Variants in RAPGEF6 observed in about 807,000 individuals in gnomAD.
The protein encoded by RAPGEF6 is Rap guanine nucleotide exchange factor 6.
Under a neutral mutation model 171.4 loss-of-function variants are expected in RAPGEF6, and 56 were observed. The ratio of observed to expected loss-of-function variants is 0.33; its 90% CI spans 0.26 to 0.41. RAPGEF6 has a LOEUF of 0.41. Ranked by LOEUF, RAPGEF6 falls within the 10% of genes least tolerant of loss-of-function variation. RAPGEF6 has a pLI of 1.00. For missense variants in RAPGEF6, 1,674 were observed against 1,921.4 expected (o/e 0.87, Z 2.41); for synonymous variants, 692 against 650.1 (o/e 1.06, Z -0.98).
intron 20 of RAPGEF6, among the ~76,000 whole-genome samples, 169 bp from the exon 21 acceptor site, chr5:131,453,346 G>A (rs1226308939): frequency 6.6e-6 from 1 of 152,128 alleles, no homozygotes; most frequent in Non-Finnish European, 1.5e-5. Flanking sequence ...CTGCTCTTAG[G>A]GAATGAGCCA....
At chr5:131,583,016 G>T (rs28442282) in intron 4 of RAPGEF6, among the ~76,000 whole-genome samples, 10,025 of 152,270 alleles carry the variant, frequency 0.066, 793 homozygotes, top group African/African-American at 0.19. Flanking sequence ...AGAGATGAAA[G>T]TATATGACCA....
At chr5:131,538,821 G>A (rs889171540) in intron 6 of RAPGEF6, among the ~76,000 whole-genome samples, 27 of 152,130 alleles carry the variant, frequency 1.8e-4, no homozygotes, top group African/African-American at 6.5e-4. Context: ...CTTGGCATTT[G>A]TCCTAGTTTT....
intron 24 of RAPGEF6, chr5:131,435,956 G>A: frequency 6.6e-7 from 1 of 1,526,438 alleles, no homozygotes; most frequent in Non-Finnish European, 8.8e-7. Context: ...CTTCATCAGA[G>A]TGTCTTCCTC....
intron 3 of RAPGEF6, among the ~76,000 whole-genome samples, chr5:131,595,383 C>A (rs1490741599): frequency 2.0e-5 from 3 of 152,276 alleles, no homozygotes; most frequent in South Asian, 2.1e-4. Flanking sequence ...TCCTGTGAAG[C>A]CTGTGGAACT....
intron 17 of RAPGEF6, among the ~76,000 whole-genome samples, chr5:131,466,488 C>T (rs1464574704): frequency 1.3e-5 from 2 of 152,188 alleles, no homozygotes; most frequent in African/African-American, 2.4e-5. Flanking sequence ...TGAATTGTAA[C>T]TCCCACAATT....
chr5:131,553,852 T>C (rs905963690), intron 5 of RAPGEF6, among the ~76,000 whole-genome samples: 14 of 151,516 alleles, frequency 9.2e-5, no homozygotes, highest in Admixed American at 8.6e-4. Context: ...CCAGAAGACT[T>C]ACTCAACATA....
rs374306332 is a variant in RAPGEF6 at position 131,446,493 on chromosome 5, T to C, written c.3411A>G (p.Ala1137=). 1 of 1,613,724 alleles carries C rather than the reference T, an allele frequency of 6.2e-7. No homozygotes were observed. Among genetic ancestry groups the C allele is most frequent in the Non-Finnish European group, 8.5e-7 (1 of 1,179,800 alleles). Residue 1137 remains alanine, a synonymous_variant, in exon 22 of 28, where the codon GCA becomes GCG. Coordinates refer to ENST00000509018, the MANE Select transcript of RAPGEF6 (RefSeq NM_016340.6). The part of the protein sequence containing the change: ...FQMMSLQWEP[A]YGTLTKNLSE... ...AAAACTTGTACTCACAGGTACCATA[T>C]GCAGGCTCCCACTGTAATGACATCA... is the stretch of plus-strand genomic sequence containing the variant.
rs1477893784 is a variant in RAPGEF6, at chr5:131,609,326, T to C, written c.70-4633A>G. On this transcript the variant is annotated intron_variant, in intron 1 of 27. Transcript: ENST00000509018. ...ATATGTAAATTCCAGTGCATGGATG[T>C]CTGGTCAGGGGTCTAGAAGGAAAAA... Among the ~76,000 whole-genome samples the C allele has an allele frequency of 3.9e-5, 6 of 152,178 alleles. No individual in the cohort carries two copies. In the East Asian group the frequency reaches 9.6e-4, roughly 24 times the overall value.
At chr5:131,532,539 T>C (rs985911664) in intron 6 of RAPGEF6, among the ~76,000 whole-genome samples, 1 of 152,176 alleles carries the variant, frequency 6.6e-6, no homozygotes, top group Non-Finnish European at 1.5e-5. Context: ...CTTTCCTCTC[T>C]GTAATATAGC....
At position 131,442,484 on chromosome 5, in the gene RAPGEF6, C is replaced by G; in HGVS notation, c.3475G>C (p.Val1159Leu). Residue 1159 changes from valine to leucine, a missense_variant, in exon 23 of 28, where the codon GTG (valine) becomes CTG (leucine). By Grantham distance (32) the Val-to-Leu change is conservative. Around this residue, in one of 3 missense-constraint regions of RAPGEF6, gnomAD observed 552 missense variants for 574.2 expected, o/e 0.96. Transcript: ENST00000509018. ...GTTTGGCCAGCTGACCTCATAGGCACTGGAGACATTTCAGATGATTTGGCT... is the reference window on the plus strand; with the variant it reads ...GTTTGGCCAGCTGACCTCATAGGCAGTGGAGACATTTCAGATGATTTGGCT... ...RSAKSSEMSP[V>L]PMRSAGQTTK... 1.2e-6 allele frequency: 2 copies of G among 1,614,148 alleles called. No homozygotes were observed. The highest frequency in any genetic ancestry group is 1.7e-6 in the Non-Finnish European group (2 of 1,180,018).
intron 7 of RAPGEF6, among the ~76,000 whole-genome samples, chr5:131,516,087 T>G (rs1758061471): frequency 2.3e-5 from 1 of 43,608 alleles, no homozygotes; most frequent in African/African-American, 8.0e-5. Context: ...TTTTTTTTTT[T>G]TTTTTTTTTT....
chr5:131,494,979 A>G (rs954775133), intron 13 of RAPGEF6, among the ~76,000 whole-genome samples: 1 of 152,158 alleles, frequency 6.6e-6, no homozygotes, highest in African/African-American at 2.4e-5. Context: ...TAACTAAGAG[A>G]TAAGAATGTC....
intron 4 of RAPGEF6, among the ~76,000 whole-genome samples, chr5:131,590,261 G>A (rs1763510664): frequency 6.6e-6 from 1 of 152,136 alleles, no homozygotes; most frequent in Admixed American, 6.5e-5. Flanking sequence ...TTAGCTGGGT[G>A]TGGTGGCACA....
rs758386143 is a variant in RAPGEF6 at position 131,431,055 on chromosome 5, C to T, written c.4269G>A (p.Gln1423=). The T allele has an allele frequency of 6.2e-7, 1 of 1,614,192 alleles. No homozygotes were observed. Among genetic ancestry groups the T allele is most frequent in the African/African-American group, 1.3e-5 (1 of 75,052 alleles). The part of the protein sequence containing the change: ...CSKSCSRTCG[Q]CKGSLERKSW... ...TCTTTCTCTCTAGGCTTCCTTTACA[C>T]TGCCCACAAGTTCTAGAGCAGCTTT... The change falls in exon 26 of 28, where the codon CAG becomes CAA. Residue 1423 remains glutamine (Q), a synonymous_variant. Transcript: ENST00000509018.
intron 20 of RAPGEF6, among the ~76,000 whole-genome samples, chr5:131,455,144 TAAC>T: frequency 6.6e-6 from 1 of 152,178 alleles, no homozygotes; most frequent in East Asian, 1.9e-4. Flanking sequence ...AAAATAGTAG[TAAC>T]AACAACAAAA....
At position 131,522,030 on chromosome 5, in the gene RAPGEF6, T is replaced by C. The variant is rs567350355; in HGVS notation, c.496-509A>G. Among the ~76,000 whole-genome samples, 8 of 152,238 alleles carry C rather than the reference T, an allele frequency of 5.3e-5. No individual in the cohort carries two copies. The South Asian group carries it at 1.7e-3, about 32-fold the overall frequency. ...AGCAAGACTTAAGACCAGTAACAAG[T>C]TGATTACATTAAATATTCCAAAAAT... On this transcript the variant is annotated intron_variant, in intron 6 of 27. Coordinates refer to ENST00000509018, the MANE Select transcript of RAPGEF6 (RefSeq NM_016340.6).
intron 17 of RAPGEF6, among the ~76,000 whole-genome samples, chr5:131,469,425 G>C (rs1196620987): frequency 6.6e-6 from 1 of 151,926 alleles, no homozygotes. Flanking sequence ...TCAATTAAGG[G>C]TTTGGGCTAT....
chr5:131,605,294 A>T (rs540657455), intron 1 of RAPGEF6, among the ~76,000 whole-genome samples: 125 of 152,318 alleles, frequency 8.2e-4, no homozygotes, highest in African/African-American at 2.8e-3. Flanking sequence ...AACCTCAACT[A>T]AGAGCAGTGG....
chr5:131,442,125 G>A (rs1411589000), intron 23 of RAPGEF6, among the ~76,000 whole-genome samples: 1 of 152,110 alleles, frequency 6.6e-6, no homozygotes, highest in Non-Finnish European at 1.5e-5. Flanking sequence ...TCTATTGATC[G>A]ACAGATTTCA....
Sources: gnomAD v4.1 joint callset for allele counts (sites outside exome capture counted in the v4.1 genomes callset) on GRCh38, gnomAD v4.1.1 for gene constraint, gnomAD v4.1.1 regional missense constraint, MANE v1.5 for transcripts, NCBI Gene and HGNC (gene_info 2026-07-23, HGNC 2026-07-21) for gene names.